Variants in COL9A2 observed in about 807,000 individuals in gnomAD.
COL9A2 encodes collagen type IX alpha 2 chain.
In COL9A2, 66 loss-of-function variants were observed where a neutral mutation model predicts 111.6. The ratio of observed to expected loss-of-function variants is 0.59; its 90% CI spans 0.48 to 0.73. The LOEUF (loss-of-function observed/expected upper bound fraction) is 0.73. Among genes scored for constraint, COL9A2 ranks in the 30% least tolerant of loss-of-function variants. The pLI is 0.00. For synonymous variants in COL9A2, 353 were observed against 364.1 expected (o/e 0.97, Z 0.35); for missense variants, 881 against 954.1 (o/e 0.92, Z 1.01).
chr1:40,307,452 GC>G lies in COL9A2; in HGVS notation c.1001del (p.Gly334AlafsTer2). The part of the protein sequence containing the change: ...AGQPGSPGHQ[G>X]LAGVPGQPGT... ...GGCTCCACCTGACACTTACCGCTAG[GC>G]CCTGGTGGCCTGGACTTCCGGGCTG... On this transcript the variant is annotated frameshift_variant, in exon 19 of 32. Transcript: ENST00000372748. LOFTEE classifies it high-confidence loss of function. This position sits in a 1 kb window ranked among gnomAD's most constrained non-coding sequence, Gnocchi z 4.8. 6.2e-7 allele frequency: 1 copy of G among 1,614,022 alleles called. No homozygotes were observed. Among genetic ancestry groups the G allele is most frequent in the South Asian group, 1.1e-5 (1 of 91,036 alleles).
chr1:40,305,584 G>A (rs1644015681), intron 21 of COL9A2, 131 bp downstream of exon 21: 1 of 842,790 alleles, frequency 1.2e-6, no homozygotes, highest in Non-Finnish European at 2.0e-6. Flanking sequence ...GCCCAGGGAG[G>A]AGAAAGAGCT....
Position 40,306,132 on chromosome 1 carries a change from G to A in COL9A2, c.1053+11C>T. The A allele has an allele frequency of 6.2e-7, 1 of 1,614,116 alleles. No homozygotes were observed. Among genetic ancestry groups the A allele is most frequent in the Non-Finnish European group, 8.5e-7 (1 of 1,179,976 alleles). On this transcript the variant is annotated intron_variant, in intron 20 of 31. Coordinates refer to ENST00000372748, the MANE Select transcript of COL9A2 (RefSeq NM_001852.4). ...TTGCTCAATTCTGTCCCCAGCTTGG[G>A]ATCGCCTCACCTGGTCTCCAGGGCC...
rs1569745360 is a variant in COL9A2, at chr1:40,310,982, G to C, written c.630+111C>G. On this transcript the variant is annotated intron_variant, in intron 12 of 31. Transcript: ENST00000372748. The surrounding 1 kb of genome is among the most constrained non-coding windows in gnomAD (Gnocchi z 4.9). ...ACAGGCCTCCAGCCCCCGGCTCAAGGCTCTGTCCCCAGAACCCACAGGGGA... is the reference window on the plus strand; with the variant it reads ...ACAGGCCTCCAGCCCCCGGCTCAAGCCTCTGTCCCCAGAACCCACAGGGGA... The C allele has an allele frequency of 2.8e-6, 4 of 1,446,358 alleles. No individual in the cohort carries two copies. The highest frequency in any genetic ancestry group is 2.3e-5 in the South Asian group (2 of 87,060). The allele number at this position is 1,446,358 out of a possible 1,614,324, so 89.6% of individuals were successfully genotyped here.
Position 40,311,577 on chromosome 1 carries a change from CCTG to C in COL9A2, c.472-33_472-31del. On this transcript the variant is annotated intron_variant, in intron 9 of 31. Coordinates refer to ENST00000372748, the MANE Select transcript of COL9A2 (RefSeq NM_001852.4). The surrounding 1 kb of genome is among the most constrained non-coding windows in gnomAD (Gnocchi z 5.1). ...GAGGAGACATGAAGATGGAGCTTGG[CCTG>C]ACCCTTTCCCGCCGCAGGCTTGCTC... 6.2e-7 allele frequency: 1 copy of C among 1,613,988 alleles called. No homozygotes were observed. Among genetic ancestry groups the C allele is most frequent in the Non-Finnish European group, 8.5e-7 (1 of 1,179,980 alleles).
Position 40,311,865 on chromosome 1 carries a change from G to C in COL9A2, c.418-150C>G. On this transcript the variant is annotated intron_variant, in intron 8 of 31. Coordinates refer to ENST00000372748, the MANE Select transcript of COL9A2 (RefSeq NM_001852.4). The surrounding 1 kb of genome is among the most constrained non-coding windows in gnomAD (Gnocchi z 5.1). ...CATCTTGGGAGATGAAGGCCTGATT[G>C]ACAGGGGATGGGGCCAGCGGCGTCC... 1 of 1,034,588 alleles carries C rather than the reference G, an allele frequency of 9.7e-7. No individual in the cohort carries two copies. Among genetic ancestry groups the C allele is most frequent in the Non-Finnish European group, 1.5e-6 (1 of 671,582 alleles). The allele number at this position is 1,034,588 out of a possible 1,614,324, so 64.1% of individuals were successfully genotyped here. A position where few individuals can be genotyped will look rare whatever the true frequency, so the allele number is the denominator to read the frequency against.
Position 40,312,047 on chromosome 1 carries a change from G to T in COL9A2, c.417+12C>A. On this transcript the variant is annotated intron_variant, in intron 8 of 31. Coordinates refer to ENST00000372748, the MANE Select transcript of COL9A2 (RefSeq NM_001852.4). The surrounding 1 kb of genome is among the most constrained non-coding windows in gnomAD (Gnocchi z 6.0). ...GGCAGGAGGCAGTGAACAGAGGGTG[G>T]CTGAGGCTCACCTTGGGGCCTCGGA... 6.3e-7 allele frequency: 1 copy of T among 1,597,002 alleles called. No homozygotes were observed. The highest frequency in any genetic ancestry group is 1.3e-5 in the African/African-American group (1 of 74,936).
Position 40,301,126 on chromosome 1 carries a change from AG to A in COL9A2, c.*55del. 1 of 1,590,474 alleles carries A rather than the reference AG, an allele frequency of 6.3e-7. No individual in the cohort carries two copies. Among genetic ancestry groups the A allele is most frequent in the Non-Finnish European group, 8.6e-7 (1 of 1,161,394 alleles). On this transcript the variant is annotated 3_prime_UTR_variant, in exon 32 of 32. Coordinates refer to ENST00000372748, the MANE Select transcript of COL9A2 (RefSeq NM_001852.4). Reference sequence around the variant, plus strand: ...TGGGGATGGGTGCATGTCCACCCAGAGGGGACCTGGTCCTTCCCGCCAGGAT... The same window carrying A: ...TGGGGATGGGTGCATGTCCACCCAGAGGGACCTGGTCCTTCCCGCCAGGAT...
At chr1:40,309,196 G>A (rs1259794454) in intron 16 of COL9A2, among the ~76,000 whole-genome samples, 6 of 151,858 alleles carry the variant, frequency 4.0e-5, no homozygotes, top group South Asian at 2.1e-4. Context: ...AGCCGAGATC[G>A]CACCATGCAC....
intron 20 of COL9A2, 119 bp downstream of exon 20, chr1:40,306,024 G>T: frequency 1.7e-6 from 2 of 1,194,398 alleles, no homozygotes; most frequent in South Asian, 1.2e-5. Flanking sequence ...GAGGTGGTTA[G>T]GCCCAAGGGG....
chr1:40,303,755 A>G lies in COL9A2; in HGVS notation c.1401+52T>C. 1 of 1,553,218 alleles carries G rather than the reference A, an allele frequency of 6.4e-7. No homozygotes were observed. Among genetic ancestry groups the G allele is most frequent in the Non-Finnish European group, 8.7e-7 (1 of 1,149,356 alleles). The stretch of plus-strand genomic sequence containing the variant: ...CGAGAGTGGGGGGTGGGGGTCGAGG[A>G]AGGGAGTGGCCGCCCAGGAAAGTCG... On this transcript the variant is annotated intron_variant, in intron 27 of 31. Transcript: ENST00000372748. The surrounding 1 kb of genome is among the most constrained non-coding windows in gnomAD (Gnocchi z 4.6).
intron 30 of COL9A2, 91 bp from the exon 31 acceptor site, chr1:40,301,980 T>C (rs1343086519): frequency 1.5e-6 from 2 of 1,304,648 alleles, no homozygotes; most frequent in Non-Finnish European, 2.2e-6. Flanking sequence ...AAATTATTCC[T>C]GTTTTGTGCT....
chr1:40,302,572 A>C lies in COL9A2; in HGVS notation c.1792+49T>G, dbSNP rs1160091987. The C allele has an allele frequency of 4.5e-6, 7 of 1,553,372 alleles. No individual in the cohort carries two copies. The East Asian group carries it at 1.7e-4, about 37-fold the overall frequency. On this transcript the variant is annotated intron_variant, in intron 30 of 31. Transcript: ENST00000372748. This position sits in a 1 kb window ranked among gnomAD's most constrained non-coding sequence, Gnocchi z 4.5. ...GGGAATGGGGAAAGGGCCGGCCTGG[A>C]CAAATCCTCACTGCCTGGCCCCCAT...
rs1014971107 is a variant in COL9A2 at position 40,312,161 on chromosome 1, C to T, written c.364-49G>A. 6.5e-7 allele frequency: 1 copy of T among 1,527,416 alleles called. No individual in the cohort carries two copies. The highest frequency in any genetic ancestry group is 1.4e-5 in the African/African-American group (1 of 72,960). 94.6% of individuals were successfully genotyped at this position (1,527,416 alleles called of 1,614,324 possible). A position where few individuals can be genotyped will look rare whatever the true frequency, so the allele number is the denominator to read the frequency against. On this transcript the variant is annotated intron_variant, in intron 7 of 31. Coordinates refer to ENST00000372748, the MANE Select transcript of COL9A2 (RefSeq NM_001852.4). This position sits in a 1 kb window ranked among gnomAD's most constrained non-coding sequence, Gnocchi z 6.0. ...CAGGATGCCTCAGAGGGTCAGATAC[C>T]CTGGGCACAAAGGTAGAGACAGGCA...
chr1:40,316,925 G>A lies in COL9A2; in HGVS notation c.75+198C>T. On this transcript the variant is annotated intron_variant, in intron 1 of 31. Coordinates refer to ENST00000372748, the MANE Select transcript of COL9A2 (RefSeq NM_001852.4). This position sits in a 1 kb window ranked among gnomAD's most constrained non-coding sequence, Gnocchi z 5.5. ...GGGGACGGGTCCCGTTTGACTCTCC[G>A]GCTCAGCCACCTCCATTCACGGTGC... is the stretch of plus-strand genomic sequence containing the variant. Among the ~76,000 whole-genome samples, 1 of 152,158 alleles carries A rather than the reference G, an allele frequency of 6.6e-6. No individual in the cohort carries two copies. Among genetic ancestry groups the A allele is most frequent in the East Asian group, 1.9e-4 (1 of 5,188 alleles).
At position 40,309,928 on chromosome 1, in the gene COL9A2, G is replaced by C; in HGVS notation, c.846+10C>G. On this transcript the variant is annotated intron_variant, in intron 16 of 31. Transcript: ENST00000372748. Reference sequence around the variant, plus strand: ...GGTCCTGACTGAACAATGGGTGCCTGAGGACTCACCTCGTCACCCTTCTCC... The same window carrying C: ...GGTCCTGACTGAACAATGGGTGCCTCAGGACTCACCTCGTCACCCTTCTCC... 1 of 1,613,252 alleles carries C rather than the reference G, an allele frequency of 6.2e-7. No individual in the cohort carries two copies. The highest frequency in any genetic ancestry group is 2.2e-5 in the East Asian group (1 of 44,886).
At position 40,303,770 on chromosome 1, in the gene COL9A2, C is replaced by T; in HGVS notation, c.1401+37G>A. 4.0e-6 allele frequency: 6 copies of T among 1,506,226 alleles called. No homozygotes were observed. The highest frequency in any genetic ancestry group is 5.3e-6 in the Non-Finnish European group (6 of 1,133,410). 93.3% of individuals were successfully genotyped at this position (1,506,226 alleles called of 1,614,324 possible). A position where few individuals can be genotyped will look rare whatever the true frequency, so the allele number is the denominator to read the frequency against. ...GGGGTCGAGGAAGGGAGTGGCCGCC[C>T]AGGAAAGTCGGAGAACGCCGGGAGG... On this transcript the variant is annotated intron_variant, in intron 27 of 31. Coordinates refer to ENST00000372748, the MANE Select transcript of COL9A2 (RefSeq NM_001852.4). The surrounding 1 kb of genome is among the most constrained non-coding windows in gnomAD (Gnocchi z 4.6).
Position 40,305,771 on chromosome 1 carries a change from G to T in COL9A2, c.1054-3C>A, listed in dbSNP as rs545345308. ...AGGCCCTGCGGGCCCGGCTCACCCT[G>T]CAGGAAAACAGTTCTCAGGTCAGTC... On this transcript the variant is annotated splice_polypyrimidine_tract_variant and splice_region_variant and intron_variant, in intron 20 of 31. Coordinates refer to ENST00000372748, the MANE Select transcript of COL9A2 (RefSeq NM_001852.4). 6.2e-7 allele frequency: 1 copy of T among 1,614,074 alleles called. No individual in the cohort carries two copies. Among genetic ancestry groups the T allele is most frequent in the Non-Finnish European group, 8.5e-7 (1 of 1,179,970 alleles).
intron 16 of COL9A2, 140 bp downstream of exon 16, chr1:40,309,798 C>T (rs1644089742): frequency 2.4e-6 from 2 of 839,144 alleles, no homozygotes; most frequent in Non-Finnish European, 4.1e-6. Flanking sequence ...CACACACACA[C>T]ACTACACACT....
rs1198546351 is a variant in COL9A2 at position 40,316,030 on chromosome 1, T to C, written c.76-366A>G. The C allele has an allele frequency of 4.4e-6, 1 of 226,968 alleles. No homozygotes were observed. The highest frequency in any genetic ancestry group is 8.7e-6 in the Non-Finnish European group (1 of 115,208). The allele number at this position is 226,968 out of a possible 1,614,324, so 14.1% of individuals were successfully genotyped here. The stretch of plus-strand genomic sequence containing the variant: ...TTGCGCGGTCGCGGTGGGGAATAGA[T>C]GGAGACGTGGACAGCTCAAATAAAT... On this transcript the variant is annotated intron_variant, in intron 1 of 31. Coordinates refer to ENST00000372748, the MANE Select transcript of COL9A2 (RefSeq NM_001852.4). The surrounding 1 kb of genome is among the most constrained non-coding windows in gnomAD (Gnocchi z 5.5).
Sources: gnomAD v4.1 joint callset for allele counts (sites outside exome capture counted in the v4.1 genomes callset) on GRCh38, gnomAD v4.1.1 for gene constraint, Gnocchi (gnomAD v3.1) non-coding constraint, MANE v1.5 for transcripts, NCBI Gene and HGNC (gene_info 2026-07-23, HGNC 2026-07-21) for gene names.